DGAT2: variants seen among roughly 807,000 people sequenced by gnomAD.
DGAT2 encodes the protein acyl-CoA retinol O-fatty-acyltransferase.
A neutral mutation model predicts 48.4 loss-of-function variants in DGAT2; 33 were observed. The ratio of observed to expected loss-of-function variants is 0.68; its 90% CI spans 0.52 to 0.91. DGAT2 has a LOEUF of 0.91. Among genes scored for constraint, DGAT2 ranks in the 40% least tolerant of loss-of-function variants. DGAT2 has a pLI of 0.00. For synonymous variants in DGAT2, 191 were observed against 194.1 expected (o/e 0.98, Z 0.13); for missense variants, 446 against 493.7 (o/e 0.90, Z 0.92).
At chr11:75,775,422 G>A (rs1944794947) in intron 1 of DGAT2, among the ~76,000 whole-genome samples, 1 of 152,220 alleles carries the variant, frequency 6.6e-6, no homozygotes, top group Admixed American at 6.5e-5. Context: ...TGTCCCAGTG[G>A]GCCCTGCTTT....
rs1377633966 is a variant in DGAT2 at position 75,801,306 on chromosome 11, G to A, written c.*798G>A. 6.6e-6 allele frequency: 1 copy of A among 152,648 alleles called. No homozygotes were observed. Among genetic ancestry groups the A allele is most frequent in the Non-Finnish European group, 1.5e-5 (1 of 68,056 alleles). The allele number at this position is 152,648 out of a possible 1,614,324, so 9.5% of individuals were successfully genotyped here. ...CTTCCCCAGATCCTAGATTCTGGATGTGAGGAAGAGATCCCTCTTCAGAAG... is the reference window on the plus strand; with the variant it reads ...CTTCCCCAGATCCTAGATTCTGGATATGAGGAAGAGATCCCTCTTCAGAAG... On this transcript the variant is annotated 3_prime_UTR_variant, in exon 8 of 8. Coordinates refer to ENST00000228027, the MANE Select transcript of DGAT2 (RefSeq NM_032564.5).
intron 4 of DGAT2, among the ~76,000 whole-genome samples, chr11:75,791,145 A>G (rs1944985036): frequency 6.6e-6 from 1 of 152,242 alleles, no homozygotes; most frequent in African/African-American, 2.4e-5. Context: ...AGCACACCCT[A>G]GCTGCTGAGT....
intron 1 of DGAT2, among the ~76,000 whole-genome samples, chr11:75,772,685 A>G (rs1453174137): frequency 6.6e-6 from 1 of 152,170 alleles, no homozygotes; most frequent in Non-Finnish European, 1.5e-5. Context: ...TCTCCCCAGT[A>G]AGAATATCAG....
intron 5 of DGAT2, 124 bp downstream of exon 5, chr11:75,796,656 C>G: frequency 1.0e-6 from 1 of 977,200 alleles, no homozygotes; most frequent in Non-Finnish European, 1.5e-6. Context: ...TTGGGAGATG[C>G]AACCTGCTTC....
rs187673482 is a variant in DGAT2, at chr11:75,797,124, C to G, written c.635-34C>G. 1.8e-3 allele frequency: 2,637 copies of G among 1,446,232 alleles called. 40 individuals carry two copies. The highest frequency in any genetic ancestry group is 1.6e-3 in the East Asian group (60 of 38,124). 89.6% of individuals were successfully genotyped at this position (1,446,232 alleles called of 1,614,324 possible). On this transcript the variant is annotated intron_variant, in intron 5 of 7. Transcript: ENST00000228027. ...CGGGGATGGGGAGTGGATCCATGGG[C>G]AACCCTGACTGTTGCGTCCTTCCCT...
At chr11:75,792,275 C>T (rs909817107) in intron 4 of DGAT2, 2 of 152,338 alleles carry the variant, frequency 1.3e-5, no homozygotes, top group African/African-American at 4.8e-5. Context: ...GCACATACAA[C>T]CTGGCCCTGT....
Position 75,798,323 on chromosome 11 carries a change from G to A in DGAT2, c.906G>A (p.Lys302=). ...CCTGGGGCCGATGGGTCCAGAAGAA[G>A]TTCCAGAAATACATTGGTTTCGCCC... ...EGSWGRWVQK[K]FQKYIGFAPC... The change falls in exon 7 of 8, where the codon AAG becomes AAA. Residue 302 remains lysine, a synonymous_variant. Coordinates refer to ENST00000228027, the MANE Select transcript of DGAT2 (RefSeq NM_032564.5). The A allele has an allele frequency of 1.9e-6, 3 of 1,614,230 alleles. No homozygotes were observed. Among genetic ancestry groups the A allele is most frequent in the Non-Finnish European group, 2.5e-6 (3 of 1,180,038 alleles).
rs114557878 is a variant in DGAT2 at position 75,772,044 on chromosome 11, T to G, written c.121+2932T>G. Among the ~76,000 whole-genome samples the G allele has an allele frequency of 4.4e-3, 676 of 152,232 alleles. 5 individuals carry two copies. Among genetic ancestry groups the G allele is most frequent in the African/African-American group, 0.015 (627 of 41,534 alleles). The stretch of plus-strand genomic sequence containing the variant: ...GCTAGAACTCAGATCCATCTCCCAG[T>G]CTGTGGCCTGACTCCTTAAGCCAAG... On this transcript the variant is annotated intron_variant, in intron 1 of 7. Coordinates refer to ENST00000228027, the MANE Select transcript of DGAT2 (RefSeq NM_032564.5).
intron 6 of DGAT2, 58 bp downstream of exon 6, chr11:75,797,390 A>G (rs1462907599): frequency 2.9e-6 from 4 of 1,373,104 alleles, no homozygotes; most frequent in Non-Finnish European, 3.8e-6. Flanking sequence ...CCAGGGCAGC[A>G]GACTCCTTGG....
chr11:75,776,665 T>A (rs1944805833), intron 1 of DGAT2: 1 of 152,174 alleles, frequency 6.6e-6, no homozygotes, highest in East Asian at 1.9e-4. Flanking sequence ...GGAGACAGCT[T>A]CCTGTGTGAG....
intron 1 of DGAT2, among the ~76,000 whole-genome samples, chr11:75,770,806 T>A (rs1266116597): frequency 6.6e-6 from 1 of 152,224 alleles, no homozygotes; most frequent in Admixed American, 6.5e-5. Flanking sequence ...AAACTTTTTT[T>A]TTTTTAAACT....
chr11:75,790,150 G>A lies in DGAT2; in HGVS notation c.251-38G>A, dbSNP rs371071822. On this transcript the variant is annotated intron_variant, in intron 2 of 7. Coordinates refer to ENST00000228027, the MANE Select transcript of DGAT2 (RefSeq NM_032564.5). ...CACCATGGCCCAGAGGGGAGATGAA[G>A]CCCAGTAGGACCTGACCTGTGGCCA... 1.9e-4 allele frequency: 284 copies of A among 1,468,244 alleles called. 1 individual carries two copies. The highest frequency in any genetic ancestry group is 3.4e-5 in the Non-Finnish European group (36 of 1,048,368). 91.0% of individuals were successfully genotyped at this position (1,468,244 alleles called of 1,614,324 possible).
At chr11:75,782,140 C>T (rs1332273007) in intron 1 of DGAT2, among the ~76,000 whole-genome samples, 1 of 152,176 alleles carries the variant, frequency 6.6e-6, no homozygotes, top group Non-Finnish European at 1.5e-5. Flanking sequence ...CACGAGAAGG[C>T]ATGCTTTGCC....
At chr11:75,780,745 G>A (rs1944854740) in intron 1 of DGAT2, among the ~76,000 whole-genome samples, 1 of 152,256 alleles carries the variant, frequency 6.6e-6, no homozygotes, top group South Asian at 2.1e-4. Flanking sequence ...GGTTGGGCCT[G>A]AATTGGGTTC....
At chr11:75,799,251 C>T (rs546050412) in intron 7 of DGAT2, among the ~76,000 whole-genome samples, 9 of 152,044 alleles carry the variant, frequency 5.9e-5, no homozygotes, top group Admixed American at 1.3e-4. Context: ...GTCCTGTGGG[C>T]AATGTGAAGG....
intron 1 of DGAT2, among the ~76,000 whole-genome samples, chr11:75,779,347 G>A (rs908758659): frequency 1.1e-4 from 16 of 152,196 alleles, no homozygotes; most frequent in African/African-American, 2.2e-4. Flanking sequence ...GCTCAACAGC[G>A]TAGCATTGTA....
At chr11:75,784,587 A>G in intron 1 of DGAT2, 31 bp from the exon 2 acceptor site, 1 of 1,612,610 alleles carries the variant, frequency 6.2e-7, no homozygotes, top group Non-Finnish European at 8.5e-7. Flanking sequence ...GAGAAGGGTG[A>G]CAGTGGACTG....
Position 75,796,232 on chromosome 11 carries a change from A to T in DGAT2, c.430-96A>T, listed in dbSNP as rs377159920. The T allele has an allele frequency of 2.2e-4, 230 of 1,044,824 alleles. 3 individuals carry two copies. In the South Asian group the frequency reaches 3.2e-3, roughly 15 times the overall value. The allele number at this position is 1,044,824 out of a possible 1,614,324, so 64.7% of individuals were successfully genotyped here. A position where few individuals can be genotyped will look rare whatever the true frequency, so the allele number is the denominator to read the frequency against. ...GCAGCCCTCAGGCCCATGGAGGTCC[A>T]GGGGAAATGACACATCCAATCCCTC... is the stretch of plus-strand genomic sequence containing the variant. On this transcript the variant is annotated intron_variant, in intron 4 of 7. Coordinates refer to ENST00000228027, the MANE Select transcript of DGAT2 (RefSeq NM_032564.5).
At chr11:75,799,335 A>G (rs917037500) in intron 7 of DGAT2, among the ~76,000 whole-genome samples, 2 of 152,176 alleles carry the variant, frequency 1.3e-5, no homozygotes, top group East Asian at 3.9e-4. Flanking sequence ...TTGCATTTAA[A>G]AATGATCCTT....
Sources: gnomAD v4.1 joint callset for allele counts (sites outside exome capture counted in the v4.1 genomes callset) on GRCh38, gnomAD v4.1.1 for gene constraint, MANE v1.5 for transcripts, NCBI Gene and HGNC (gene_info 2026-07-23, HGNC 2026-07-21) for gene names.